TENM2: variants seen among roughly 807,000 people sequenced by gnomAD.
The protein encoded by TENM2 is teneurin transmembrane protein 2.
A neutral mutation model predicts 245.2 loss-of-function variants in TENM2; 52 were observed. The ratio of observed to expected loss-of-function variants is 0.21; its 90% CI spans 0.17 to 0.27. The LOEUF (loss-of-function observed/expected upper bound fraction) is 0.27, where lower values mean the gene tolerates loss of function less well. Ranked by LOEUF, TENM2 falls within the 10% of genes least tolerant of loss-of-function variation. TENM2 has a pLI of 1.00. For synonymous variants in TENM2, 1,363 were observed against 1,438.9 expected (o/e 0.95, Z 1.19); for missense variants, 3,046 against 3,666.8 (o/e 0.83, Z 4.37).
chr5:167,477,265 A>T (rs1422301307), intron 2 of TENM2, among the ~76,000 whole-genome samples: 11 of 10,430 alleles, frequency 1.1e-3, no homozygotes, highest in Non-Finnish European at 3.0e-3. Context: ...GAATAATAGT[A>T]AAAAAAAAAA....
intron 16 of TENM2, 64 bp downstream of exon 18, chr5:168,199,178 G>A (rs952595032): frequency 1.5e-5 from 23 of 1,521,870 alleles, no homozygotes; most frequent in Non-Finnish European, 2.0e-5. Context: ...ACTGGACACT[G>A]CCTCTCCCCG....
chr5:167,987,532 G>A (rs1339699102), intron 4 of TENM2, among the ~76,000 whole-genome samples: 3 of 151,920 alleles, frequency 2.0e-5, no homozygotes, highest in African/African-American at 7.3e-5. Context: ...GTTTGGCCAG[G>A]CTGGTCTCGA....
the TENM2 span, among the ~76,000 whole-genome samples, chr5:167,272,279 G>C: frequency 6.6e-6 from 1 of 152,134 alleles, no homozygotes; most frequent in Non-Finnish European, 1.5e-5. Context: ...CACTGTTTTC[G>C]GGTTGACTTA....
intron 2 of TENM2, among the ~76,000 whole-genome samples, chr5:167,512,921 T>C (rs1770065745): frequency 6.6e-6 from 1 of 152,328 alleles, no homozygotes; most frequent in Non-Finnish European, 1.5e-5. Context: ...AGAGTACTTC[T>C]AGTTGTCAAT....
intron 1 of TENM2, among the ~76,000 whole-genome samples, chr5:167,341,063 A>T (rs1758070392): frequency 6.6e-6 from 1 of 152,048 alleles, no homozygotes. Flanking sequence ...TTCGCATTCG[A>T]TGAGAGGCCA....
At chr5:167,487,001 A>G (rs1768115367) in intron 2 of TENM2, among the ~76,000 whole-genome samples, 1 of 152,182 alleles carries the variant, frequency 6.6e-6, no homozygotes, top group South Asian at 2.1e-4. Context: ...AAATATCAAG[A>G]GATTGTTTGT....
chr5:167,887,023 A>C (rs1240850109), intron 3 of TENM2, among the ~76,000 whole-genome samples: 1 of 152,196 alleles, frequency 6.6e-6, no homozygotes, highest in African/African-American at 2.4e-5. Flanking sequence ...GGATGGCATG[A>C]GAACAGAGAA....
chr5:167,605,818 T>C (rs1270082333), intron 2 of TENM2, among the ~76,000 whole-genome samples: 1 of 152,162 alleles, frequency 6.6e-6, no homozygotes, highest in Non-Finnish European at 1.5e-5. Context: ...CCTGAAGTGG[T>C]TCTTTCCCGG....
At chr5:168,238,045 T>C (rs1320434001) in intron 25 of TENM2, among the ~76,000 whole-genome samples, 1 of 150,748 alleles carries the variant, frequency 6.6e-6, no homozygotes, top group Non-Finnish European at 1.5e-5. Context: ...CTCAGGAGGC[T>C]GAGGCAGGAG....
intron 2 of TENM2, among the ~76,000 whole-genome samples, chr5:167,805,987 A>C (rs570926133): frequency 3.3e-4 from 50 of 152,280 alleles, no homozygotes; most frequent in African/African-American, 1.2e-3. Context: ...GGTTTCAGGA[A>C]ATACGCATAT....
At chr5:166,987,418 A>AGG in the TENM2 span, among the ~76,000 whole-genome samples, 49 of 98,642 alleles carry the variant, frequency 5.0e-4, no homozygotes, top group East Asian at 2.6e-3. Context: ...AAGTTTAGTA[A>AGG]GGGTGTGTGT....
chr5:167,117,744 T>TG, the TENM2 span, among the ~76,000 whole-genome samples: 16 of 152,226 alleles, frequency 1.1e-4, no homozygotes, highest in Admixed American at 7.2e-4. Context: ...TTCTTTGTTG[T>TG]GGGGGAGTAG....
At chr5:167,697,447 A>T (rs1285780376) in intron 2 of TENM2, among the ~76,000 whole-genome samples, 1 of 152,238 alleles carries the variant, frequency 6.6e-6, no homozygotes, top group South Asian at 2.1e-4. Flanking sequence ...AAGCCATGCT[A>T]ATTTGTTCAC....
intron 2 of TENM2, among the ~76,000 whole-genome samples, chr5:167,505,916 C>T (rs1403255759): frequency 6.6e-6 from 1 of 152,062 alleles, no homozygotes; most frequent in Admixed American, 6.6e-5. Context: ...CATGGTGGTT[C>T]ACACCTGTAA....
At chr5:168,055,596 G>A (rs1024463645) in intron 6 of TENM2, among the ~76,000 whole-genome samples, 1 of 152,092 alleles carries the variant, frequency 6.6e-6, no homozygotes, top group Non-Finnish European at 1.5e-5. Context: ...TTTTATTAAG[G>A]GCTACTCCAC....
chr5:168,043,009 T>C (rs1214412658), intron 5 of TENM2, among the ~76,000 whole-genome samples: 2 of 152,150 alleles, frequency 1.3e-5, no homozygotes, highest in Non-Finnish European at 2.9e-5. Context: ...ACATTTTGGC[T>C]GTCAGTGAGA....
chr5:167,086,930 C>T, the TENM2 span, among the ~76,000 whole-genome samples: 1 of 14,146 alleles, frequency 7.1e-5, no homozygotes, highest in Non-Finnish European at 1.4e-4. Context: ...CACACACACG[C>T]ACACACACAC....
chr5:167,627,048 T>C (rs987757876), intron 2 of TENM2, among the ~76,000 whole-genome samples: 7 of 152,210 alleles, frequency 4.6e-5, no homozygotes, highest in Admixed American at 3.3e-4. Flanking sequence ...AATGTCTTCA[T>C]TGATTTTTAT....
Position 167,952,826 on chromosome 5 carries a change from A to G in TENM2, c.947+4A>G. 1 of 1,552,284 alleles carries G rather than the reference A, an allele frequency of 6.4e-7. No homozygotes were observed. Among genetic ancestry groups the G allele is most frequent in the Non-Finnish European group, 8.7e-7 (1 of 1,147,276 alleles). ...GCAACGTGCCACTGGAGACCCGGTAAGTCCCCATCGCCAGCTCACAGTCAC... is the reference window on the plus strand; with the variant it reads ...GCAACGTGCCACTGGAGACCCGGTAGGTCCCCATCGCCAGCTCACAGTCAC... On this transcript the variant is annotated splice_donor_region_variant and intron_variant, in intron 4 of 28. Coordinates refer to ENST00000518659, the Ensembl canonical transcript of TENM2.
Sources: gnomAD v4.1 joint callset for allele counts (sites outside exome capture counted in the v4.1 genomes callset) on GRCh38, gnomAD v4.1.1 for gene constraint, MANE v1.5 for transcripts, NCBI Gene and HGNC (gene_info 2026-07-23, HGNC 2026-07-21) for gene names.